FYN: variants seen among roughly 807,000 people sequenced by gnomAD.
The protein encoded by FYN is tyrosine-protein kinase Fyn.
Under a neutral mutation model 70.2 loss-of-function variants are expected in FYN, and 10 were observed. The ratio of observed to expected loss-of-function variants is 0.14; its 90% CI spans 0.09 to 0.24. The LOEUF is 0.24. Among genes scored for constraint, FYN ranks in the 10% least tolerant of loss-of-function variants. The probability of loss-of-function intolerance (pLI) is 1.00; values close to 1 mark genes in which losing one functional copy is unlikely to be tolerated. For synonymous variants in FYN, 236 were observed against 248.6 expected, an observed-to-expected ratio of 0.95 and a Z score of 0.48; for missense variants, 319 against 673.1, an observed-to-expected ratio of 0.47 and a Z score of 5.82.
chr6:111,665,973 G>A (rs1051556345), intron 13 of FYN, among the ~76,000 whole-genome samples: 10 of 149,660 alleles, frequency 6.7e-5, no homozygotes, highest in African/African-American at 2.5e-4. Context: ...CAAGAGTGCT[G>A]GAAATGTTTT....
At chr6:111,696,211 CA>C in intron 10 of FYN, 65 bp downstream of exon 10, 2 of 1,327,662 alleles carry the variant, frequency 1.5e-6, no homozygotes, top group Non-Finnish European at 2.0e-6. Context: ...AGGAAACTTC[CA>C]TTTCTCTCCC....
chr6:111,724,995 C>T (rs1033143522), intron 3 of FYN, among the ~76,000 whole-genome samples: 1 of 152,014 alleles, frequency 6.6e-6, no homozygotes, highest in Non-Finnish European at 1.5e-5. Context: ...ACACTTTTCT[C>T]GGAAAAAAGC....
intron 12 of FYN, among the ~76,000 whole-genome samples, chr6:111,680,089 A>G (rs1364925586): frequency 6.6e-6 from 1 of 152,200 alleles, no homozygotes; most frequent in Non-Finnish European, 1.5e-5. Flanking sequence ...AAATAAAGTT[A>G]ATAATCATCC....
At chr6:111,755,253 A>T (rs189544735) in intron 3 of FYN, among the ~76,000 whole-genome samples, 1,718 of 152,282 alleles carry the variant, frequency 0.011, 23 homozygotes, top group African/African-American at 0.037. Flanking sequence ...ATGCCTTGAG[A>T]CAAGGGCTTC....
intron 2 of FYN, among the ~76,000 whole-genome samples, chr6:111,842,219 C>T (rs1182886270): frequency 6.6e-6 from 1 of 152,152 alleles, no homozygotes; most frequent in Non-Finnish European, 1.5e-5. Flanking sequence ...AGAATGTAGG[C>T]CACTTTGGCC....
intron 2 of FYN, among the ~76,000 whole-genome samples, chr6:111,786,897 C>T (rs1373258170): frequency 6.6e-6 from 1 of 152,184 alleles, no homozygotes; most frequent in African/African-American, 2.4e-5. Flanking sequence ...CCTTTGCCCA[C>T]TTGTTGATGG....
At position 111,700,066 on chromosome 6, in the gene FYN, G is replaced by A. The variant is rs202108305; in HGVS notation, c.862+38C>T. ...CTTTGGTGTTTGGGATCTTCCAAAC[G>A]GGGAAGCTAATAAGAGAGTAATTGA... On this transcript the variant is annotated intron_variant, in intron 9 of 13. Coordinates refer to ENST00000354650, the MANE Select transcript of FYN (RefSeq NM_002037.5). The A allele has an allele frequency of 6.7e-5, 107 of 1,588,806 alleles. 1 individual carries two copies. The African/African-American group carries it at 1.2e-3, about 18-fold the overall frequency.
intron 1 of FYN, among the ~76,000 whole-genome samples, chr6:111,871,136 T>A (rs1032222895): frequency 1.3e-5 from 2 of 152,208 alleles, no homozygotes; most frequent in African/African-American, 2.4e-5. Flanking sequence ...GTTTTGACAA[T>A]ATCGATTAAG....
At chr6:111,754,009 C>T (rs1389597639) in intron 3 of FYN, among the ~76,000 whole-genome samples, 1 of 152,138 alleles carries the variant, frequency 6.6e-6, no homozygotes, top group East Asian at 1.9e-4. Context: ...GAAGGACTCA[C>T]CAAACTAGAA....
chr6:111,810,381 T>A (rs962566377), intron 2 of FYN, among the ~76,000 whole-genome samples: 2 of 152,260 alleles, frequency 1.3e-5, no homozygotes, highest in Admixed American at 6.5e-5. Flanking sequence ...ACAAGTGCAA[T>A]CAGTCATGGG....
At chr6:111,810,534 C>A (rs1475478489) in intron 2 of FYN, among the ~76,000 whole-genome samples, 2 of 152,182 alleles carry the variant, frequency 1.3e-5, no homozygotes, top group African/African-American at 4.8e-5. Flanking sequence ...TCCCAAGTCA[C>A]CCAAACCCGC....
At chr6:111,679,603 G>A (rs149068377) in intron 12 of FYN, among the ~76,000 whole-genome samples, 6 of 152,204 alleles carry the variant, frequency 3.9e-5, no homozygotes, top group South Asian at 2.1e-4. Flanking sequence ...CTTACAGAGC[G>A]TATTATCAGT....
At chr6:111,791,958 C>A (rs1334368011) in intron 2 of FYN, among the ~76,000 whole-genome samples, 1 of 152,094 alleles carries the variant, frequency 6.6e-6, no homozygotes, top group Middle Eastern at 3.2e-3. Flanking sequence ...TAGAGAACAC[C>A]TTCATACCTT....
In FYN at chr6:111,694,585, G is replaced by A. The variant is rs550786502; in HGVS notation, c.1119+43C>T. 2.6e-5 allele frequency: 42 copies of A among 1,613,568 alleles called. 2 individuals carry two copies. Among genetic ancestry groups the A allele is most frequent in the South Asian group, 7.7e-5 (7 of 91,036 alleles). On this transcript the variant is annotated intron_variant, in intron 11 of 13. Transcript: ENST00000354650. This position sits in a 1 kb window ranked among gnomAD's most constrained non-coding sequence, Gnocchi z 5.0. The stretch of plus-strand genomic sequence containing the variant: ...ACCACGACCCAATGTACTTAGACAC[G>A]TCATTAAATCTATGGCACATCAAGT...
intron 3 of FYN, among the ~76,000 whole-genome samples, chr6:111,741,859 G>A (rs1416947245): frequency 6.6e-6 from 1 of 152,218 alleles, no homozygotes; most frequent in Non-Finnish European, 1.5e-5. Flanking sequence ...GCAACATCAA[G>A]CCTAAGTCCT....
chr6:111,828,088 C>A (rs1439308883), intron 2 of FYN, among the ~76,000 whole-genome samples: 1 of 152,304 alleles, frequency 6.6e-6, no homozygotes, highest in African/African-American at 2.4e-5. Flanking sequence ...ACCCTGAGAA[C>A]TTCCTCCTCT....
At chr6:111,831,632 T>A (rs899686441) in intron 2 of FYN, among the ~76,000 whole-genome samples, 1 of 148,956 alleles carries the variant, frequency 6.7e-6, no homozygotes, top group Non-Finnish European at 1.5e-5. Context: ...ATATGTGACA[T>A]GCTTATGTTA....
intron 13 of FYN, among the ~76,000 whole-genome samples, chr6:111,670,571 A>G (rs953384376): frequency 1.3e-5 from 2 of 151,482 alleles, no homozygotes; most frequent in African/African-American, 4.9e-5. Context: ...AGTACCTGGC[A>G]TATAGTAGGT....
intron 13 of FYN, among the ~76,000 whole-genome samples, chr6:111,665,741 C>A (rs1051517995): frequency 2.6e-5 from 4 of 151,968 alleles, no homozygotes; most frequent in African/African-American, 9.7e-5. Flanking sequence ...CCTGTCTCAG[C>A]CTCCTGAGTA....
Sources: allele counts gnomAD v4.1 joint callset (sites outside exome capture counted in the v4.1 genomes callset), GRCh38; gene constraint gnomAD v4.1.1; non-coding constraint Gnocchi (gnomAD v3.1); transcripts MANE v1.5; gene names NCBI Gene and HGNC (gene_info 2026-07-23, HGNC 2026-07-21).